Variants in PPP6R2 observed in about 807,000 individuals in gnomAD.
PPP6R2 encodes the protein serine/threonine-protein phosphatase 6 regulatory subunit 2.
A neutral mutation model predicts 100.2 loss-of-function variants in PPP6R2; 62 were observed. The observed-to-expected ratio is 0.62, with a 90% CI of 0.50 to 0.76. The LOEUF (loss-of-function observed/expected upper bound fraction) is 0.76. PPP6R2 is among the 30% of genes least tolerant of loss of function. The pLI is 0.00. For synonymous variants in PPP6R2, 525 were observed against 514.7 expected (o/e 1.02, Z -0.27); for missense variants, 1,142 against 1,276.3 (o/e 0.89, Z 1.60).
At chr22:50,387,764 G>A (rs931775787) in intron 2 of PPP6R2, among the ~76,000 whole-genome samples, 14 of 152,202 alleles carry the variant, frequency 9.2e-5, no homozygotes, top group African/African-American at 1.4e-4. Context: ...TTGGGCCACC[G>A]CGGCGCACGC....
chr22:50,372,403 G>T (rs2050406371), intron 2 of PPP6R2, among the ~76,000 whole-genome samples: 1 of 151,946 alleles, frequency 6.6e-6, no homozygotes, highest in Non-Finnish European at 1.5e-5. Flanking sequence ...ACAAAAATTA[G>T]CTGGGCATAG....
upstream of PPP6R2, among the ~76,000 whole-genome samples, chr22:50,340,499 GGTGTGGT>G (rs1569219566): frequency 8.0e-6 from 1 of 125,642 alleles, no homozygotes; most frequent in African/African-American, 3.2e-5. Flanking sequence ...GTGTGTGTAG[GGTGTGGT>G]GTGTGTGTGG....
At chr22:50,381,619 T>C (rs1260111180) in intron 2 of PPP6R2, among the ~76,000 whole-genome samples, 1 of 152,184 alleles carries the variant, frequency 6.6e-6, no homozygotes, top group Non-Finnish European at 1.5e-5. Flanking sequence ...TTCTAAGGAA[T>C]TATTGTAGGA....
intron 10 of PPP6R2, among the ~76,000 whole-genome samples, chr22:50,425,905 T>G (rs2062045529): frequency 6.6e-6 from 1 of 151,072 alleles, no homozygotes; most frequent in South Asian, 2.1e-4. Context: ...GTTTTAGAAG[T>G]TCTATATATA....
intron 2 of PPP6R2, among the ~76,000 whole-genome samples, chr22:50,385,507 G>GTTT (rs71318815): frequency 1.5e-5 from 2 of 131,402 alleles, no homozygotes; most frequent in Admixed American, 7.9e-5. Flanking sequence ...CAGGGATTAA[G>GTTT]TTTTTTTTTT....
chr22:50,436,911 G>A (rs191894385), intron 14 of PPP6R2, 77 bp from the exon 15 acceptor site: 2 of 1,228,670 alleles, frequency 1.6e-6, no homozygotes, highest in South Asian at 1.3e-5. Flanking sequence ...GCTGGGCATG[G>A]TCCTGGGCGC....
chr22:50,436,938 T>C lies in PPP6R2; in HGVS notation c.1603-50T>C, dbSNP rs542276992. The C allele has an allele frequency of 4.1e-6, 6 of 1,474,904 alleles. No homozygotes were observed. In the African/African-American group the frequency reaches 8.4e-5, roughly 21 times the overall value. 91.4% of individuals were successfully genotyped at this position (1,474,904 alleles called of 1,614,324 possible). On this transcript the variant is annotated intron_variant, in intron 14 of 23. Transcript: ENST00000612753. ...CCTGGGCGCTGGGCTGGGTGGGGTC[T>C]GGGGCGCTGGGCTGGCTCACACGCC...
chr22:50,339,376 T>C (rs2042342762), upstream of PPP6R2, among the ~76,000 whole-genome samples: 1 of 141,460 alleles, frequency 7.1e-6, no homozygotes, highest in Non-Finnish European at 1.5e-5. Context: ...GTGGCTTGCG[T>C]GTGGTATGTA....
intron 2 of PPP6R2, among the ~76,000 whole-genome samples, chr22:50,378,437 T>G (rs12158353): frequency 0.072 from 10,904 of 151,492 alleles, 879 homozygotes; most frequent in African/African-American, 0.2. Flanking sequence ...AAATACAAAA[T>G]TAGCCAGACG....
chr22:50,355,294 G>A (rs1363385479), intron 1 of PPP6R2, among the ~76,000 whole-genome samples: 1 of 149,394 alleles, frequency 6.7e-6, no homozygotes, highest in Non-Finnish European at 1.5e-5. Context: ...CTGGAGTGCA[G>A]CGGCGTGATC....
chr22:50,407,092 A>T (rs2147171381), intron 4 of PPP6R2, among the ~76,000 whole-genome samples: 1 of 152,238 alleles, frequency 6.6e-6, no homozygotes, highest in South Asian at 2.1e-4. Context: ...CAAGCCTGTA[A>T]TCCCAGCACT....
chr22:50,382,431 T>C (rs1405476966), intron 2 of PPP6R2, among the ~76,000 whole-genome samples: 7 of 151,100 alleles, frequency 4.6e-5, no homozygotes, highest in African/African-American at 1.5e-4. Flanking sequence ...ACCCCGTCTC[T>C]ACTAAAAATA....
At chr22:50,424,901 A>G (rs866451373) in intron 10 of PPP6R2, among the ~76,000 whole-genome samples, 2 of 152,078 alleles carry the variant, frequency 1.3e-5, no homozygotes, top group African/African-American at 4.8e-5. Context: ...TGGCCTCCCA[A>G]AGTGCTGGGA....
At chr22:50,374,623 A>G (rs999853158) in intron 2 of PPP6R2, among the ~76,000 whole-genome samples, 1 of 152,152 alleles carries the variant, frequency 6.6e-6, no homozygotes, top group Non-Finnish European at 1.5e-5. Flanking sequence ...TTTTTAGAAA[A>G]AAACAAACCC....
chr22:50,411,510 T>C (rs909888574), intron 4 of PPP6R2, among the ~76,000 whole-genome samples: 1 of 151,988 alleles, frequency 6.6e-6, no homozygotes, highest in Non-Finnish European at 1.5e-5. Context: ...CCCAGCATTT[T>C]GGGAGGCCAA....
intron 11 of PPP6R2, 83 bp from the exon 12 acceptor site, chr22:50,432,182 C>A: frequency 7.7e-7 from 1 of 1,306,714 alleles, no homozygotes; most frequent in East Asian, 2.5e-5. Flanking sequence ...CGCCAGCCAG[C>A]CCTGCCCAGT....
At chr22:50,396,714 G>A (rs1204085080) in intron 3 of PPP6R2, among the ~76,000 whole-genome samples, 1 of 152,168 alleles carries the variant, frequency 6.6e-6, no homozygotes, top group East Asian at 1.9e-4. Flanking sequence ...GGAAGATAAA[G>A]CAGGATAGTG....
intron 1 of PPP6R2, among the ~76,000 whole-genome samples, chr22:50,370,445 G>A (rs992165637): frequency 2.6e-4 from 40 of 151,266 alleles, no homozygotes; most frequent in Middle Eastern, 3.4e-3. Flanking sequence ...CTGCCACCAC[G>A]CCCAGCTAAT....
Position 50,431,515 on chromosome 22 carries a change from G to A in PPP6R2, c.1335+133G>A. On this transcript the variant is annotated intron_variant, in intron 11 of 23. Transcript: ENST00000612753. The surrounding 1 kb of genome is among the most constrained non-coding windows in gnomAD (Gnocchi z 4.8). Reference sequence around the variant, plus strand: ...GCAGGGCTTTGAAAAGGGTCCCCAGGTGTCTGGTCAGACGCTCGTAGACAG... The same window carrying A: ...GCAGGGCTTTGAAAAGGGTCCCCAGATGTCTGGTCAGACGCTCGTAGACAG... The A allele has an allele frequency of 1.3e-6, 1 of 788,196 alleles. No homozygotes were observed. The highest frequency in any genetic ancestry group is 2.0e-6 in the Non-Finnish European group (1 of 500,178). 48.8% of individuals were successfully genotyped at this position (788,196 alleles called of 1,614,324 possible). A position where few individuals can be genotyped will look rare whatever the true frequency, so the allele number is the denominator to read the frequency against.
Sources: allele counts gnomAD v4.1 joint callset (sites outside exome capture counted in the v4.1 genomes callset), GRCh38; gene constraint gnomAD v4.1.1; non-coding constraint Gnocchi (gnomAD v3.1); transcripts MANE v1.5; gene names NCBI Gene and HGNC (gene_info 2026-07-23, HGNC 2026-07-21).